CFAP20DC: variants seen among roughly 807,000 people sequenced by gnomAD.
CFAP20DC encodes protein CFAP20DC.
A neutral mutation model predicts 101.7 loss-of-function variants in CFAP20DC; 84 were observed. That is an observed-to-expected ratio of 0.83 (90% CI 0.69 to 0.99). The LOEUF is 0.99. Among genes scored for constraint, CFAP20DC ranks in the 50% least tolerant of loss-of-function variants. The pLI is 0.00. For synonymous variants in CFAP20DC, 359 were observed against 351.2 expected (o/e 1.02, Z -0.25); for missense variants, 1,007 against 970.3 (o/e 1.04, Z -0.50).
chr3:58,833,203 T>A (rs949488764), intron 13 of CFAP20DC, among the ~76,000 whole-genome samples: 2 of 152,198 alleles, frequency 1.3e-5, no homozygotes, highest in Non-Finnish European at 2.9e-5. Flanking sequence ...GATAATGTGA[T>A]GTGGAGACTT....
intron 13 of CFAP20DC, among the ~76,000 whole-genome samples, chr3:58,841,930 T>C (rs924698737): frequency 4.6e-5 from 7 of 152,232 alleles, no homozygotes; most frequent in African/African-American, 1.4e-4. Flanking sequence ...AATGATTCGT[T>C]CAAAATTGCT....
At chr3:59,008,873 T>TA (rs991879785) in intron 4 of CFAP20DC, among the ~76,000 whole-genome samples, 6 of 150,538 alleles carry the variant, frequency 4.0e-5, no homozygotes, top group African/African-American at 7.3e-5. Flanking sequence ...TAATAAAATT[T>TA]AAAAAAAAAG....
At chr3:58,777,036 C>A (rs1669181604) in intron 15 of CFAP20DC, among the ~76,000 whole-genome samples, 1 of 151,166 alleles carries the variant, frequency 6.6e-6, no homozygotes, top group South Asian at 2.1e-4. Flanking sequence ...CATTCTATTC[C>A]TAAGAAAGAG....
At chr3:59,029,091 T>C (rs978367404) in intron 4 of CFAP20DC, among the ~76,000 whole-genome samples, 20 of 152,296 alleles carry the variant, frequency 1.3e-4, no homozygotes, top group African/African-American at 4.8e-4. Context: ...TTTAAATGGA[T>C]CTTTCACTCA....
downstream of CFAP20DC, among the ~76,000 whole-genome samples, chr3:58,738,127 C>T (rs1050743581): frequency 1.3e-5 from 2 of 151,990 alleles, no homozygotes; most frequent in African/African-American, 2.4e-5. This position sits in a 1 kb window ranked among gnomAD's most constrained non-coding sequence, Gnocchi z 4.4. Flanking sequence ...GAATGATGTA[C>T]GAAATAGAAA....
intron 15 of CFAP20DC, among the ~76,000 whole-genome samples, chr3:58,777,668 A>G (rs529700799): frequency 5.8e-4 from 89 of 152,312 alleles, no homozygotes; most frequent in Middle Eastern, 3.4e-3. Flanking sequence ...ACAGACTTAA[A>G]TATTATCTTG....
intron 4 of CFAP20DC, among the ~76,000 whole-genome samples, chr3:58,947,910 C>T (rs1371664251): frequency 6.6e-6 from 1 of 152,206 alleles, no homozygotes; most frequent in African/African-American, 2.4e-5. Context: ...GAACAGCCTA[C>T]AGAATGGACC....
At chr3:58,928,884 T>C (rs2086272636) in intron 5 of CFAP20DC, among the ~76,000 whole-genome samples, 1 of 152,210 alleles carries the variant, frequency 6.6e-6, no homozygotes, top group African/African-American at 2.4e-5. Context: ...CACTAATTTT[T>C]TAACAGCCAT....
intron 5 of CFAP20DC, among the ~76,000 whole-genome samples, chr3:58,936,622 T>C (rs2107762836): frequency 6.6e-6 from 1 of 152,268 alleles, no homozygotes; most frequent in Non-Finnish European, 1.5e-5. Context: ...ATGTCGTTTG[T>C]AGGGACATGG....
At position 58,914,720 on chromosome 3, in the gene CFAP20DC, C is replaced by A. The variant is rs1033957839; in HGVS notation, c.394-856G>T. Among the ~76,000 whole-genome samples, 1 of 148,664 alleles carries A rather than the reference C, an allele frequency of 6.7e-6. No homozygotes were observed. On this transcript the variant is annotated intron_variant, in intron 5 of 16. Coordinates refer to ENST00000482387, the MANE Select transcript of CFAP20DC (RefSeq NM_001394063.1). The surrounding 1 kb of genome is among the most constrained non-coding windows in gnomAD (Gnocchi z 4.9). ...TTTTTTCTTTTTTTTAAAGACAAATCTTATATATCTAGGAATGCTGATTTT... is the reference window on the plus strand; with the variant it reads ...TTTTTTCTTTTTTTTAAAGACAAATATTATATATCTAGGAATGCTGATTTT...
intron 16 of CFAP20DC, among the ~76,000 whole-genome samples, chr3:58,748,260 C>T (rs1466079842): frequency 6.6e-6 from 1 of 152,152 alleles, no homozygotes; most frequent in African/African-American, 2.4e-5. Flanking sequence ...CCCATAATCT[C>T]TTAGGAGCCT....
chr3:59,044,843 CA>C (rs1183321047), intron 3 of CFAP20DC, among the ~76,000 whole-genome samples: 1 of 152,046 alleles, frequency 6.6e-6, no homozygotes, highest in Non-Finnish European at 1.5e-5. Flanking sequence ...ACATGTCTTA[CA>C]AAACCAATAT....
intron 15 of CFAP20DC, among the ~76,000 whole-genome samples, chr3:58,775,691 T>C (rs1649985183): frequency 6.6e-6 from 1 of 152,002 alleles, no homozygotes; most frequent in South Asian, 2.1e-4. Flanking sequence ...GGTTATATAT[T>C]ATGGCAACTA....
intron 3 of CFAP20DC, among the ~76,000 whole-genome samples, chr3:59,041,811 C>T (rs1699413918): frequency 6.6e-6 from 1 of 152,010 alleles, no homozygotes; most frequent in South Asian, 2.1e-4. Flanking sequence ...CCTGTGTGGG[C>T]CCTTTTACTT....
intron 4 of CFAP20DC, among the ~76,000 whole-genome samples, chr3:59,019,266 T>C (rs114538671): frequency 0.015 from 2,283 of 152,122 alleles, 57 homozygotes; most frequent in African/African-American, 0.053. Context: ...GTTATTCTGG[T>C]GGAGGCAGTT....
chr3:58,904,200 C>T (rs916154102), intron 6 of CFAP20DC, among the ~76,000 whole-genome samples: 11 of 152,022 alleles, frequency 7.2e-5, no homozygotes, highest in African/African-American at 2.4e-4. Flanking sequence ...TTCTTCATTA[C>T]ATTTATTCCT....
chr3:58,861,308 AT>A lies in CFAP20DC; in HGVS notation c.1593+2249del. On this transcript the variant is annotated intron_variant, in intron 12 of 16. Transcript: ENST00000482387. The surrounding 1 kb of genome is among the most constrained non-coding windows in gnomAD (Gnocchi z 4.0). ...AATTGTTATTCACTTGTCCACCATT[AT>A]TTACAACTTGACATTATGTTTTCCT... The A allele has an allele frequency of 1.4e-6, 1 of 714,366 alleles. No individual in the cohort carries two copies. The highest frequency in any genetic ancestry group is 1.7e-6 in the Non-Finnish European group (1 of 582,946). 44.3% of individuals were successfully genotyped at this position (714,366 alleles called of 1,614,324 possible). A position where few individuals can be genotyped will look rare whatever the true frequency, so the allele number is the denominator to read the frequency against.
Position 58,892,737 on chromosome 3 carries a change from G to C in CFAP20DC, c.551-8028C>G, listed in dbSNP as rs2082348719. ...ATCAGCTTAAAAAGCTTTAGGCTGA[G>C]ATGATGCGGTTTTCTAGATATAGGA... On this transcript the variant is annotated intron_variant, in intron 6 of 16. Coordinates refer to ENST00000482387, the MANE Select transcript of CFAP20DC (RefSeq NM_001394063.1). The surrounding 1 kb of genome is among the most constrained non-coding windows in gnomAD (Gnocchi z 4.0). Among the ~76,000 whole-genome samples the C allele has an allele frequency of 6.6e-6, 1 of 152,206 alleles. No individual in the cohort carries two copies. The highest frequency in any genetic ancestry group is 2.4e-5 in the African/African-American group (1 of 41,446).
intron 15 of CFAP20DC, among the ~76,000 whole-genome samples, chr3:58,765,725 A>G (rs776692522): frequency 1.8e-4 from 27 of 152,102 alleles, no homozygotes; most frequent in Non-Finnish European, 2.9e-4. Flanking sequence ...TTCACTGGGG[A>G]TCTTATATTA....
Sources: allele counts gnomAD v4.1 joint callset (sites outside exome capture counted in the v4.1 genomes callset), GRCh38; gene constraint gnomAD v4.1.1; non-coding constraint Gnocchi (gnomAD v3.1); transcripts MANE v1.5; gene names NCBI Gene and HGNC (gene_info 2026-07-23, HGNC 2026-07-21).